The following SGIP1 variants were observed in gnomAD, a reference collection of about 807,000 sequenced individuals.
The protein encoded by SGIP1 is SH3-containing GRB2-like protein 3-interacting protein 1.
SGIP1 carries 38 observed loss-of-function variants against 107.5 expected under a neutral mutation model. The ratio of observed to expected loss-of-function variants is 0.35; its 90% CI spans 0.27 to 0.46. The LOEUF is 0.46. SGIP1 is among the 20% of genes least tolerant of loss of function. The probability of loss-of-function intolerance (pLI) is 1.00; values close to 1 mark genes in which losing one functional copy is unlikely to be tolerated. For synonymous variants in SGIP1, 365 were observed against 366.1 expected, an observed-to-expected ratio of 1.00 and a Z score of 0.03; for missense variants, 929 against 1,019.5, an observed-to-expected ratio of 0.91 and a Z score of 1.21.
Position 66,653,213 on chromosome 1 carries a change from AT to A in SGIP1, c.460-7293del, listed in dbSNP as rs1253168283. Among the ~76,000 whole-genome samples, 10 of 152,090 alleles carry A rather than the reference AT, an allele frequency of 6.6e-5. No individual in the cohort carries two copies. In the East Asian group the frequency reaches 7.7e-4, roughly 12 times the overall value. On this transcript the variant is annotated intron_variant, in intron 7 of 24. Transcript: ENST00000371037. ...GTGGAAATTTTCTTTTTCAAAATAT[AT>A]TTTTTTCTTCTCAACATTTTAATAA...
rs767701773 is a variant in SGIP1 at position 66,592,156 on chromosome 1, G to A, written c.11-33691G>A. Among the ~76,000 whole-genome samples, 7 of 152,226 alleles carry A rather than the reference G, an allele frequency of 4.6e-5. No homozygotes were observed. The East Asian group carries it at 9.6e-4, about 21-fold the overall frequency. On this transcript the variant is annotated intron_variant, in intron 1 of 24. Coordinates refer to ENST00000371037, the MANE Select transcript of SGIP1 (RefSeq NM_032291.4). ...CTTTACCGATGTCGGGCTGGGGGAC[G>A]GTCAGGTCTTTCCCTTCCCATGAAG...
intron 2 of SGIP1, among the ~76,000 whole-genome samples, chr1:66,631,032 GAAGGAAGAAAGGAAGAAAGAAAGA>G (rs2074451271): frequency 9.0e-6 from 1 of 110,618 alleles, no homozygotes. Flanking sequence ...GGAAAGGAAG[GAAGGAAGAAAGGAAGAAAGAAAGA>G]AAGAAAGAAA....
chr1:66,542,191 A>G (rs1452958004), intron 1 of SGIP1, among the ~76,000 whole-genome samples: 2 of 152,066 alleles, frequency 1.3e-5, no homozygotes, highest in African/African-American at 4.8e-5. Context: ...TATCAGTTTT[A>G]CCTATGATCA....
intron 1 of SGIP1, among the ~76,000 whole-genome samples, chr1:66,578,993 G>A (rs1290694684): frequency 1.3e-5 from 2 of 152,088 alleles, no homozygotes; most frequent in African/African-American, 4.8e-5. Context: ...AGAGAATTAG[G>A]GGGTATATCT....
At chr1:66,554,849 C>A (rs531861960) in intron 1 of SGIP1, among the ~76,000 whole-genome samples, 1 of 152,046 alleles carries the variant, frequency 6.6e-6, no homozygotes, top group Non-Finnish European at 1.5e-5. Context: ...ACTTTGCTAC[C>A]GATTTTTAAC....
At chr1:66,620,221 GT>G (rs1274662164) in intron 1 of SGIP1, among the ~76,000 whole-genome samples, 4 of 152,146 alleles carry the variant, frequency 2.6e-5, no homozygotes, top group African/African-American at 9.7e-5. Flanking sequence ...CTTTGTGGGA[GT>G]TTTTTTAGTT....
At chr1:66,628,162 G>T (rs1030804084) in intron 2 of SGIP1, among the ~76,000 whole-genome samples, 1 of 152,050 alleles carries the variant, frequency 6.6e-6, no homozygotes, top group African/African-American at 2.4e-5. Flanking sequence ...AGACATTTGG[G>T]TTGATTCCAA....
At chr1:66,659,131 A>G (rs2080378593) in intron 7 of SGIP1, among the ~76,000 whole-genome samples, 1 of 152,162 alleles carries the variant, frequency 6.6e-6, no homozygotes, top group Non-Finnish European at 1.5e-5. Flanking sequence ...TCCGGATAAT[A>G]AGGAGGTTTT....
intron 18 of SGIP1, among the ~76,000 whole-genome samples, chr1:66,703,334 G>A (rs1286676859): frequency 6.6e-6 from 1 of 152,082 alleles, no homozygotes; most frequent in Non-Finnish European, 1.5e-5. Flanking sequence ...GAAGAAACGG[G>A]AGCAACATTT....
chr1:66,641,807 C>CT (rs111550466), intron 5 of SGIP1, among the ~76,000 whole-genome samples: 1,934 of 152,244 alleles, frequency 0.013, 47 homozygotes, highest in African/African-American at 0.044. Context: ...ATTAGTTCAA[C>CT]TGGGAGTACC....
intron 18 of SGIP1, among the ~76,000 whole-genome samples, chr1:66,703,850 A>G (rs2092242014): frequency 6.6e-6 from 1 of 150,850 alleles, no homozygotes; most frequent in East Asian, 2.0e-4. Flanking sequence ...ATTTCATATC[A>G]CATATATAAA....
intron 18 of SGIP1, among the ~76,000 whole-genome samples, chr1:66,707,987 C>G (rs1458364839): frequency 1.3e-5 from 2 of 152,136 alleles, no homozygotes; most frequent in African/African-American, 2.4e-5. Context: ...CAATTTTTAT[C>G]CCCTTTGGGG....
chr1:66,571,267 G>A lies in SGIP1; in HGVS notation c.10+36899G>A, dbSNP rs78261931. 3.5e-4 allele frequency among the ~76,000 whole-genome samples: 53 copies of A among 152,072 alleles called. 1 individual carries two copies. In the East Asian group the frequency reaches 8.9e-3, roughly 26 times the overall value. ...CATCAGGTTTCTCCAGTAACTCAAC[G>A]TTAACAAGGTGGAGGGAAGAGAAAG... On this transcript the variant is annotated intron_variant, in intron 1 of 24. Coordinates refer to ENST00000371037, the MANE Select transcript of SGIP1 (RefSeq NM_032291.4).
At position 66,674,728 on chromosome 1, in the gene SGIP1, C is replaced by T. The variant is rs140526421; in HGVS notation, c.646+1362C>T. On this transcript the variant is annotated intron_variant, in intron 12 of 24. Coordinates refer to ENST00000371037, the MANE Select transcript of SGIP1 (RefSeq NM_032291.4). ...GAGGCTGCTGCAGCTCTCCTCCCCT[C>T]CCATTCAGAAGAAAGGAAGTGGGGT... Among the ~76,000 whole-genome samples, 927 of 152,308 alleles carry T rather than the reference C, an allele frequency of 6.1e-3. 10 individuals carry two copies. The highest frequency in any genetic ancestry group is 0.021 in the African/African-American group (869 of 41,558).
In SGIP1 at chr1:66,597,400, G is replaced by T. The variant is rs997436820; in HGVS notation, c.11-28447G>T. ...ACTTGACAGAATGTTTATGCTATTT[G>T]TTTTATTTTCTGTTTTAATATGAAA... is the stretch of plus-strand genomic sequence containing the variant. On this transcript the variant is annotated intron_variant, in intron 1 of 24. Transcript: ENST00000371037. 1.5e-4 allele frequency among the ~76,000 whole-genome samples: 23 copies of T among 152,234 alleles called. 1 individual carries two copies. Among genetic ancestry groups the T allele is most frequent in the African/African-American group, 5.5e-4 (23 of 41,534 alleles).
chr1:66,558,202 T>C (rs573498874), intron 1 of SGIP1, among the ~76,000 whole-genome samples: 1 of 152,192 alleles, frequency 6.6e-6, no homozygotes, highest in Admixed American at 6.5e-5. Context: ...TTCATCTCTC[T>C]CTTGCTCATT....
intron 1 of SGIP1, among the ~76,000 whole-genome samples, chr1:66,572,738 G>A (rs994311579): frequency 6.6e-6 from 1 of 151,988 alleles, no homozygotes; most frequent in Non-Finnish European, 1.5e-5. Context: ...ACATAAAAGG[G>A]TCTCCTCTTC....
chr1:66,583,297 TA>T (rs2062067128), intron 1 of SGIP1, among the ~76,000 whole-genome samples: 1 of 152,200 alleles, frequency 6.6e-6, no homozygotes, highest in African/African-American at 2.4e-5. Context: ...TCTCAAAGTG[TA>T]GTCTATGTAA....
intron 1 of SGIP1, among the ~76,000 whole-genome samples, chr1:66,594,942 C>T (rs2064330188): frequency 6.6e-6 from 1 of 152,126 alleles, no homozygotes; most frequent in African/African-American, 2.4e-5. Context: ...TTGGTGGGTG[C>T]TTTCTCTCTC....
Sources: allele counts gnomAD v4.1 joint callset (sites outside exome capture counted in the v4.1 genomes callset), GRCh38; gene constraint gnomAD v4.1.1; transcripts MANE v1.5; gene names NCBI Gene and HGNC (gene_info 2026-07-23, HGNC 2026-07-21).